Variants in TRAF3IP1 observed in about 807,000 individuals in gnomAD.
TRAF3IP1 encodes the protein intraflagellar transport 54.
In TRAF3IP1, 53 loss-of-function variants were observed where a neutral mutation model predicts 89.9. The observed-to-expected ratio is 0.59, with a 90% CI of 0.47 to 0.74. The LOEUF is 0.74. Ranked by LOEUF, TRAF3IP1 falls within the 30% of genes least tolerant of loss-of-function variation. The pLI, the probability that TRAF3IP1 is intolerant of heterozygous loss-of-function variation, is 0.00. For missense variants in TRAF3IP1, 806 were observed against 866.1 expected (o/e 0.93, Z 0.87); for synonymous variants, 311 against 322.1 (o/e 0.97, Z 0.37).
At chr2:238,354,956 T>A (rs576725482) in intron 14 of TRAF3IP1, among the ~76,000 whole-genome samples, 126 of 127,206 alleles carry the variant, frequency 9.9e-4, no homozygotes, top group African/African-American at 3.3e-3. Flanking sequence ...GCCCAAGGAC[T>A]TTTTTTTTTT....
intron 15 of TRAF3IP1, among the ~76,000 whole-genome samples, chr2:238,394,312 C>G (rs1701120281): frequency 6.6e-6 from 1 of 152,152 alleles, no homozygotes; most frequent in African/African-American, 2.4e-5. Flanking sequence ...ATAATCTTGT[C>G]TATACAAAAA....
intron 15 of TRAF3IP1, among the ~76,000 whole-genome samples, chr2:238,369,505 A>G (rs940978902): frequency 1.3e-5 from 2 of 152,156 alleles, no homozygotes; most frequent in Non-Finnish European, 2.9e-5. Flanking sequence ...TGGCCTTGAC[A>G]GTTTTGAACA....
At chr2:238,334,912 C>CGAGA (rs1466839078) in intron 7 of TRAF3IP1, among the ~76,000 whole-genome samples, 9 of 152,166 alleles carry the variant, frequency 5.9e-5, no homozygotes, top group Non-Finnish European at 5.9e-5. Context: ...CACACCTTCT[C>CGAGA]CAGTGTTGTT....
At chr2:238,397,210 C>G (rs1701264283) in intron 15 of TRAF3IP1, among the ~76,000 whole-genome samples, 2 of 152,218 alleles carry the variant, frequency 1.3e-5, no homozygotes, top group South Asian at 4.1e-4. Context: ...AGACCCCCAT[C>G]CCCATTGAGC....
intron 15 of TRAF3IP1, among the ~76,000 whole-genome samples, chr2:238,359,300 T>C (rs1355775219): frequency 2.0e-5 from 3 of 152,216 alleles, no homozygotes; most frequent in Non-Finnish European, 4.4e-5. Context: ...AACACACTCA[T>C]CACCCTCCAC....
intron 9 of TRAF3IP1, among the ~76,000 whole-genome samples, chr2:238,346,684 G>A (rs901220389): frequency 1.3e-5 from 2 of 152,320 alleles, no homozygotes; most frequent in South Asian, 2.1e-4. Flanking sequence ...TGTCTGAGGC[G>A]GGGCCGTGTT....
At chr2:238,385,358 C>G (rs887583545) in intron 15 of TRAF3IP1, among the ~76,000 whole-genome samples, 6 of 152,154 alleles carry the variant, frequency 3.9e-5, no homozygotes, top group African/African-American at 1.4e-4. Flanking sequence ...TACATTTAAC[C>G]AAGAAATTAT....
At chr2:238,392,875 C>T (rs2106379944) in intron 15 of TRAF3IP1, among the ~76,000 whole-genome samples, 1 of 152,354 alleles carries the variant, frequency 6.6e-6, no homozygotes, top group East Asian at 1.9e-4. Context: ...CATGCCTGGC[C>T]AGTCTGTTCC....
At chr2:238,332,540 G>T (rs1698177317) in intron 5 of TRAF3IP1, among the ~76,000 whole-genome samples, 1 of 152,150 alleles carries the variant, frequency 6.6e-6, no homozygotes, top group Non-Finnish European at 1.5e-5. Flanking sequence ...GTGGCGTAGG[G>T]ATTCGTGTTC....
At chr2:238,339,131 C>T (rs1028519827) in intron 8 of TRAF3IP1, among the ~76,000 whole-genome samples, 4 of 152,210 alleles carry the variant, frequency 2.6e-5, no homozygotes, top group South Asian at 2.1e-4. Context: ...CGTTCTGGAG[C>T]GTAGCTGGAA....
At chr2:238,340,938 A>T (rs991510862) in intron 8 of TRAF3IP1, among the ~76,000 whole-genome samples, 1 of 151,672 alleles carries the variant, frequency 6.6e-6, no homozygotes, top group African/African-American at 2.4e-5. Flanking sequence ...GCTCACTGCA[A>T]CCTCCGCCTC....
intron 15 of TRAF3IP1, among the ~76,000 whole-genome samples, chr2:238,371,644 G>A (rs1462350252): frequency 6.6e-6 from 1 of 152,166 alleles, no homozygotes; most frequent in East Asian, 1.9e-4. Flanking sequence ...CCATGTGGTG[G>A]GGGTATTAGA....
chr2:238,347,196 C>T, intron 9 of TRAF3IP1: 1 of 445,108 alleles, frequency 2.2e-6, no homozygotes, highest in East Asian at 3.9e-5. Flanking sequence ...GATGTGCTTT[C>T]TCCACATCCC....
At chr2:238,393,291 G>A (rs1701071912) in intron 15 of TRAF3IP1, among the ~76,000 whole-genome samples, 1 of 152,164 alleles carries the variant, frequency 6.6e-6, no homozygotes, top group African/African-American at 2.4e-5. Flanking sequence ...AATGCCTAAT[G>A]ATTTCAAACA....
rs563442277 is a variant in TRAF3IP1, at chr2:238,352,058, G to T, written c.1452-769G>T. 9.6e-4 allele frequency among the ~76,000 whole-genome samples: 146 copies of T among 152,036 alleles called. 1 individual carries two copies. Among genetic ancestry groups the T allele is most frequent in the African/African-American group, 3.4e-3 (143 of 41,460 alleles). On this transcript the variant is annotated intron_variant, in intron 12 of 16. Coordinates refer to ENST00000373327, the MANE Select transcript of TRAF3IP1 (RefSeq NM_015650.4). Reference sequence around the variant, plus strand: ...AAGGAGCCTGTAGAGTGTTTGGGTCGGGGGCTCACATTTGTACAGAGTGAG... The same window carrying T: ...AAGGAGCCTGTAGAGTGTTTGGGTCTGGGGCTCACATTTGTACAGAGTGAG...
At chr2:238,331,856 C>G (rs903122272) in intron 5 of TRAF3IP1, among the ~76,000 whole-genome samples, 1 of 152,232 alleles carries the variant, frequency 6.6e-6, no homozygotes, top group Admixed American at 6.5e-5. Flanking sequence ...GTTCTAACCC[C>G]GGTTCTGCCT....
intron 8 of TRAF3IP1, among the ~76,000 whole-genome samples, chr2:238,340,837 A>G (rs62196663): frequency 1.7e-3 from 143 of 84,590 alleles, no homozygotes; most frequent in African/African-American, 4.2e-3. Flanking sequence ...GTGTGTGTAT[A>G]TATATATATA....
chr2:238,381,141 A>ATTTTTTTTTTTTTTT (rs148374609), intron 15 of TRAF3IP1, among the ~76,000 whole-genome samples: 1 of 133,094 alleles, frequency 7.5e-6, no homozygotes, highest in Non-Finnish European at 1.6e-5. Context: ...TTATTTATTT[A>ATTTTTTTTTTTTTTT]TTTTTTTTTT....
At chr2:238,347,360 T>G in intron 9 of TRAF3IP1, 95 bp from the exon 10 acceptor site, 1 of 1,321,160 alleles carries the variant, frequency 7.6e-7, no homozygotes, top group Non-Finnish European at 1.1e-6. Context: ...TCCAAAATTA[T>G]GTACAGTGTG....
Sources: allele counts gnomAD v4.1 joint callset (sites outside exome capture counted in the v4.1 genomes callset), GRCh38; gene constraint gnomAD v4.1.1; transcripts MANE v1.5; gene names NCBI Gene and HGNC (gene_info 2026-07-23, HGNC 2026-07-21).